XRCC4: variants seen among roughly 807,000 people sequenced by gnomAD.
The protein encoded by XRCC4 is X-ray repair cross complementing 4.
In XRCC4, 28 loss-of-function variants were observed where a neutral mutation model predicts 39.1. That is an observed-to-expected ratio of 0.72 (90% CI 0.53 to 0.98). XRCC4 has a LOEUF of 0.98. XRCC4 is among the 50% of genes least tolerant of loss of function. The probability of loss-of-function intolerance (pLI) is 0.00; values close to 1 mark genes in which losing one functional copy is unlikely to be tolerated. For missense variants in XRCC4, 350 were observed against 376.4 expected (o/e 0.93, Z 0.58); for synonymous variants, 123 against 126.4 (o/e 0.97, Z 0.18).
intron 3 of XRCC4, among the ~76,000 whole-genome samples, chr5:83,136,075 G>A (rs1747883023): frequency 6.6e-6 from 1 of 152,066 alleles, no homozygotes; most frequent in South Asian, 2.1e-4. Flanking sequence ...TTTAAGCTTT[G>A]TTAAACAGGA....
intron 3 of XRCC4, among the ~76,000 whole-genome samples, chr5:83,135,749 ATCTT>A (rs1305699949): frequency 2.0e-5 from 3 of 151,782 alleles, no homozygotes; most frequent in Non-Finnish European, 4.4e-5. Flanking sequence ...GGTGATTTTT[ATCTT>A]TCTAAGTCTT....
At chr5:83,305,056 T>C (rs561207770) in intron 7 of XRCC4, among the ~76,000 whole-genome samples, 9 of 152,300 alleles carry the variant, frequency 5.9e-5, no homozygotes, top group African/African-American at 1.7e-4. Flanking sequence ...AGAACTCTTA[T>C]GTTAGTGTTG....
chr5:83,239,999 G>GA (rs1047945438), intron 6 of XRCC4, among the ~76,000 whole-genome samples: 62 of 147,614 alleles, frequency 4.2e-4, no homozygotes, highest in Middle Eastern at 6.9e-3. Context: ...CTCTACAGAG[G>GA]AAAAAAAAAC....
chr5:83,305,013 C>A (rs1257119982), intron 7 of XRCC4, among the ~76,000 whole-genome samples: 3 of 152,130 alleles, frequency 2.0e-5, no homozygotes, highest in Non-Finnish European at 4.4e-5. Flanking sequence ...CTCCCAGAAG[C>A]AACTCAGTAG....
intron 3 of XRCC4, among the ~76,000 whole-genome samples, chr5:83,188,664 G>T (rs1477039241): frequency 2.0e-5 from 3 of 152,120 alleles, no homozygotes; most frequent in Non-Finnish European, 4.4e-5. Flanking sequence ...TGGCAAGAGT[G>T]GGGGCAAGAT....
intron 7 of XRCC4, among the ~76,000 whole-genome samples, chr5:83,285,801 C>G (rs1319735880): frequency 6.6e-6 from 1 of 152,028 alleles, no homozygotes; most frequent in Non-Finnish European, 1.5e-5. Flanking sequence ...TGTTCTGATC[C>G]CATTGGTAAC....
At chr5:83,293,793 A>G (rs374115430) in intron 7 of XRCC4, among the ~76,000 whole-genome samples, 3 of 152,004 alleles carry the variant, frequency 2.0e-5, no homozygotes, top group East Asian at 3.9e-4. Flanking sequence ...TGAGTGAATG[A>G]ATGTGTGTTT....
At chr5:83,314,764 A>T (rs896304532) in intron 7 of XRCC4, among the ~76,000 whole-genome samples, 5 of 152,140 alleles carry the variant, frequency 3.3e-5, no homozygotes, top group Non-Finnish European at 7.4e-5. Flanking sequence ...CCCATAAAAT[A>T]TTACAAACTT....
At chr5:83,283,050 CAAAAAA>C (rs199980796) in intron 7 of XRCC4, among the ~76,000 whole-genome samples, 1 of 58,254 alleles carries the variant, frequency 1.7e-5, no homozygotes, top group Admixed American at 1.4e-4. Context: ...ATAGCCAGAC[CAAAAAA>C]AAAAAAAAAA....
intron 6 of XRCC4, among the ~76,000 whole-genome samples, chr5:83,252,489 G>A (rs1753360673): frequency 6.6e-6 from 1 of 151,634 alleles, no homozygotes; most frequent in Non-Finnish European, 1.5e-5. Context: ...AGAAGATATA[G>A]AAGATAGCCT....
chr5:83,185,829 G>C (rs992952714), intron 3 of XRCC4, among the ~76,000 whole-genome samples: 2 of 152,022 alleles, frequency 1.3e-5, no homozygotes, highest in African/African-American at 2.4e-5. Flanking sequence ...TAGGTATTTG[G>C]AGAGAGAAAT....
At chr5:83,223,752 T>C (rs956529076) in intron 6 of XRCC4, among the ~76,000 whole-genome samples, 2 of 151,996 alleles carry the variant, frequency 1.3e-5, no homozygotes, top group Non-Finnish European at 2.9e-5. Flanking sequence ...TACATATGTA[T>C]ACATGTGCCA....
chr5:83,270,311 G>A (rs1030601421), intron 7 of XRCC4, among the ~76,000 whole-genome samples: 5 of 152,076 alleles, frequency 3.3e-5, no homozygotes, highest in African/African-American at 1.2e-4. Context: ...GGGGACCACT[G>A]GTCTATACAG....
intron 7 of XRCC4, among the ~76,000 whole-genome samples, chr5:83,273,431 T>A (rs1422584470): frequency 6.6e-6 from 1 of 152,232 alleles, no homozygotes; most frequent in African/African-American, 2.4e-5. Context: ...TTTAATTAGA[T>A]CCCATTCGTT....
At chr5:83,220,821 C>G (rs1752054954) in intron 6 of XRCC4, among the ~76,000 whole-genome samples, 1 of 152,032 alleles carries the variant, frequency 6.6e-6, no homozygotes, top group Admixed American at 6.6e-5. Context: ...GCTTTTCGAG[C>G]TATATTATCT....
chr5:83,306,063 A>T lies in XRCC4; in HGVS notation c.894-47068A>T, dbSNP rs566370564. On this transcript the variant is annotated intron_variant, in intron 7 of 7. Coordinates refer to ENST00000396027, the MANE Select transcript of XRCC4 (RefSeq NM_003401.5). ...AGTTTTTGCTCAGTTATCCAGTTTT[A>T]AAAAATACTGTTAACTATACCAAGG... Among the ~76,000 whole-genome samples the T allele has an allele frequency of 5.6e-4, 86 of 152,284 alleles. 1 individual carries two copies. The highest frequency in any genetic ancestry group is 1.1e-3 in the Non-Finnish European group (76 of 68,006).
intron 3 of XRCC4, among the ~76,000 whole-genome samples, chr5:83,134,963 A>G (rs4634330): frequency 0.48 from 73,623 of 151,944 alleles, 18,800 homozygotes; most frequent in African/African-American, 0.63. Flanking sequence ...GAAGGAAGAT[A>G]CTCCGGACAC....
chr5:83,250,843 T>C (rs1394522193), intron 6 of XRCC4, among the ~76,000 whole-genome samples: 1 of 152,218 alleles, frequency 6.6e-6, no homozygotes, highest in Non-Finnish European at 1.5e-5. Context: ...AAAATTATAA[T>C]AGATATTTGA....
chr5:83,167,796 A>T (rs370871578), intron 3 of XRCC4, among the ~76,000 whole-genome samples: 2 of 152,352 alleles, frequency 1.3e-5, no homozygotes, highest in South Asian at 4.1e-4. Context: ...TGCACAGATG[A>T]GAATCTTATG....
Sources: allele counts gnomAD v4.1 joint callset (sites outside exome capture counted in the v4.1 genomes callset), GRCh38; gene constraint gnomAD v4.1.1; transcripts MANE v1.5; gene names NCBI Gene and HGNC (gene_info 2026-07-23, HGNC 2026-07-21).